GRM1: variants seen among roughly 807,000 people sequenced by gnomAD.
GRM1 encodes the protein metabotropic glutamate receptor 1.
A neutral mutation model predicts 90.9 loss-of-function variants in GRM1; 33 were observed. The observed-to-expected ratio is 0.36, with a 90% confidence interval of 0.28 to 0.49. GRM1 has a LOEUF of 0.49. GRM1 is among the 20% of genes least tolerant of loss of function. GRM1 has a pLI of 0.99. For missense variants in GRM1, 1,190 were observed against 1,534.3 expected (o/e 0.78, Z 3.75); for synonymous variants, 700 against 613.2 (o/e 1.14, Z -2.09).
Position 146,274,757 on chromosome 6 carries a change from C to T in GRM1, c.951-29854C>T, listed in dbSNP as rs529291234. On this transcript the variant is annotated intron_variant, in intron 2 of 7. Transcript: ENST00000282753. ...ATGAAGAAAACAGAGGATAACTTAGCTTAGCTCCTGATAAGACCCTTTGCT... is the reference window on the plus strand; with the variant it reads ...ATGAAGAAAACAGAGGATAACTTAGTTTAGCTCCTGATAAGACCCTTTGCT... Among the ~76,000 whole-genome samples, 5 of 152,264 alleles carry T rather than the reference C, an allele frequency of 3.3e-5. No individual in the cohort carries two copies. The East Asian group carries it at 9.6e-4, about 29-fold the overall frequency.
chr6:146,125,196 G>A (rs1420622883), intron 1 of GRM1, among the ~76,000 whole-genome samples: 2 of 151,982 alleles, frequency 1.3e-5, no homozygotes, highest in Admixed American at 6.5e-5. Flanking sequence ...TGGAGTAGAC[G>A]AAAATATCTT....
intron 7 of GRM1, among the ~76,000 whole-genome samples, chr6:146,427,309 T>G (rs768613431): frequency 1.9e-4 from 29 of 152,226 alleles, no homozygotes; most frequent in Non-Finnish European, 3.5e-4. Context: ...CTTTAGCTCT[T>G]GACAGTGTCT....
At chr6:146,098,539 C>G (rs776471926) in intron 1 of GRM1, among the ~76,000 whole-genome samples, 2 of 151,998 alleles carry the variant, frequency 1.3e-5, no homozygotes, top group Non-Finnish European at 2.9e-5. Flanking sequence ...AGATGTATAA[C>G]TAAACGTGTT....
intron 5 of GRM1, among the ~76,000 whole-genome samples, chr6:146,379,036 C>T (rs768193510): frequency 1.4e-4 from 22 of 152,110 alleles, no homozygotes; most frequent in Non-Finnish European, 2.6e-4. Flanking sequence ...TATAAATTAC[C>T]TAGTCTCAGG....
chr6:146,246,263 A>G (rs993382705), intron 2 of GRM1, among the ~76,000 whole-genome samples: 2 of 152,212 alleles, frequency 1.3e-5, no homozygotes, highest in African/African-American at 4.8e-5. Flanking sequence ...TGACACTGCC[A>G]GGGCTTGACC....
At chr6:146,188,342 A>G (rs549774154) in intron 2 of GRM1, among the ~76,000 whole-genome samples, 27 of 152,212 alleles carry the variant, frequency 1.8e-4, no homozygotes, top group African/African-American at 6.0e-4. Flanking sequence ...TTTGTAGCAT[A>G]CAGTCTAGAC....
intron 2 of GRM1, among the ~76,000 whole-genome samples, chr6:146,198,022 A>G (rs1779178289): frequency 6.6e-6 from 1 of 152,228 alleles, no homozygotes; most frequent in African/African-American, 2.4e-5. Context: ...AAATAAAACA[A>G]AGGGATACAA....
chr6:146,076,443 G>A (rs2128861101), intron 1 of GRM1, among the ~76,000 whole-genome samples: 1 of 152,278 alleles, frequency 6.6e-6, no homozygotes, highest in South Asian at 2.1e-4. Flanking sequence ...GCTTGGGTCA[G>A]GGTGGTGGCA....
At chr6:146,276,494 C>A (rs1782365966) in intron 2 of GRM1, among the ~76,000 whole-genome samples, 1 of 152,040 alleles carries the variant, frequency 6.6e-6, no homozygotes. Flanking sequence ...CATAATTATT[C>A]CTCATACATT....
intron 5 of GRM1, among the ~76,000 whole-genome samples, chr6:146,374,414 A>AT (rs1441163918): frequency 6.6e-6 from 1 of 151,932 alleles, no homozygotes; most frequent in Non-Finnish European, 1.5e-5. Context: ...CTCCTCCTCT[A>AT]TTTTTTGTTA....
At chr6:146,400,585 A>G (rs994968817) in intron 7 of GRM1, among the ~76,000 whole-genome samples, 1 of 152,144 alleles carries the variant, frequency 6.6e-6, no homozygotes, top group Admixed American at 6.5e-5. Flanking sequence ...TATTTTGAGA[A>G]GAAGCATATG....
intron 7 of GRM1, among the ~76,000 whole-genome samples, chr6:146,419,467 T>C (rs1413705778): frequency 1.3e-5 from 2 of 152,214 alleles, no homozygotes; most frequent in Non-Finnish European, 2.9e-5. Flanking sequence ...TGCAACAGTG[T>C]TTCCACGGGA....
chr6:146,207,002 C>A (rs1433419274), intron 2 of GRM1, among the ~76,000 whole-genome samples: 1 of 152,188 alleles, frequency 6.6e-6, no homozygotes, highest in African/African-American at 2.4e-5. Flanking sequence ...CTAATGACTG[C>A]ATAGTATTCC....
rs762484356 is a variant in GRM1 at position 146,433,920 on chromosome 6, G to C, written c.2709G>C (p.Val903=). 12 of 1,613,836 alleles carry C rather than the reference G, an allele frequency of 7.4e-6. No homozygotes were observed. The highest frequency in any genetic ancestry group is 1.1e-5 in the South Asian group (1 of 91,078). ...VSWSEPGGGQ[V]PKGQHMWHRL... ...GGTCTGAACCAGGTGGAGGACAGGT[G>C]CCCAAGGGACAGCATATGTGGCACC... is the stretch of plus-strand genomic sequence containing the variant. Residue 903 remains valine (V), a synonymous_variant, in exon 8 of 8, where the codon GTG becomes GTC. Coordinates refer to ENST00000282753, the MANE Select transcript of GRM1 (RefSeq NM_001278064.2).
chr6:146,270,863 TTCTTTCTTTCTTTCTTTCTTTC>T (rs1562571048), intron 2 of GRM1, among the ~76,000 whole-genome samples: 1 of 63,194 alleles, frequency 1.6e-5, no homozygotes. Context: ...CTTTCTTTCT[TTCTTTCTTTCTTTCTTTCTTTC>T]TTTCTTTCTT....
intron 2 of GRM1, among the ~76,000 whole-genome samples, chr6:146,196,463 ATTTTTT>A (rs772811053): frequency 4.7e-5 from 4 of 85,990 alleles, no homozygotes; most frequent in Middle Eastern, 6.4e-3. Flanking sequence ...AATTTTTTGT[ATTTTTT>A]TTTTTTTTTT....
intron 3 of GRM1, among the ~76,000 whole-genome samples, chr6:146,326,510 G>A (rs1366090678): frequency 6.6e-6 from 1 of 151,914 alleles, no homozygotes; most frequent in African/African-American, 2.4e-5. Flanking sequence ...ATACCTGGCT[G>A]GTGAAATAAT....
rs118072318 is a variant in GRM1 at position 146,340,869 on chromosome 6, C to T, written c.1187-11381C>T. ...CCAAAGCCACATTTCTAACCTCACT[C>T]GTAGCTTAGCATGTCCTCTTATTGA... On this transcript the variant is annotated intron_variant, in intron 3 of 7. Coordinates refer to ENST00000282753, the MANE Select transcript of GRM1 (RefSeq NM_001278064.2). Among the ~76,000 whole-genome samples, 688 of 152,286 alleles carry T rather than the reference C, an allele frequency of 4.5e-3. 2 individuals are homozygous for T. Among genetic ancestry groups the T allele is most frequent in the Non-Finnish European group, 7.3e-3 (497 of 68,028 alleles).
intron 5 of GRM1, among the ~76,000 whole-genome samples, chr6:146,364,041 A>G (rs1775588967): frequency 6.6e-6 from 1 of 152,204 alleles, no homozygotes; most frequent in South Asian, 2.1e-4. Flanking sequence ...CTATTCTCAC[A>G]CTGAATCCAA....
Sources: gnomAD v4.1 joint callset for allele counts (sites outside exome capture counted in the v4.1 genomes callset) on GRCh38, gnomAD v4.1.1 for gene constraint, MANE v1.5 for transcripts, NCBI Gene and HGNC (gene_info 2026-07-23, HGNC 2026-07-21) for gene names.